ACSL6: variants seen among roughly 807,000 people sequenced by gnomAD.
The protein encoded by ACSL6 is long-chain-fatty-acid--CoA ligase 6.
Under a neutral mutation model 98.2 loss-of-function variants are expected in ACSL6, and 47 were observed. The ratio of observed to expected loss-of-function variants is 0.48; its 90% CI spans 0.38 to 0.61. The LOEUF is 0.61. Ranked by LOEUF, ACSL6 falls within the 20% of genes least tolerant of loss-of-function variation. The pLI is 0.00. For synonymous variants in ACSL6, 362 were observed against 336.9 expected (o/e 1.07, Z -0.82); for missense variants, 761 against 913.4 (o/e 0.83, Z 2.15).
At position 131,990,132 on chromosome 5, in the gene ACSL6, T is replaced by C. The variant is rs146852912; in HGVS notation, c.418A>G (p.Lys140Glu). The change falls in exon 4 of 21, where the codon AAG becomes GAG. Residue 140 changes from lysine (K) to glutamate (E), a missense_variant. By Grantham distance (56) the Lys-to-Glu change is moderately conservative. Coordinates refer to ENST00000651883, the MANE Select transcript of ACSL6 (RefSeq NM_001009185.3). ...TAGGACAGCCACTGGTAAGGCTGCT[T>C]AGGCTTCCTGAAACCAAGACAGGGC... ...NGPCLGFRKP[K>E]QPYQWLSYQE... is the part of the protein sequence containing the mutation. 2 of 1,613,910 alleles carry C rather than the reference T, an allele frequency of 1.2e-6. No homozygotes were observed. Among genetic ancestry groups the C allele is most frequent in the African/African-American group, 2.7e-5 (2 of 74,924 alleles).
intron 1 of ACSL6, among the ~76,000 whole-genome samples, chr5:132,003,267 C>A (rs760006374): frequency 3.9e-5 from 6 of 152,236 alleles, no homozygotes; most frequent in African/African-American, 9.6e-5. Context: ...GAATCTGCCA[C>A]CTCCTGAATC....
rs1002225852 is a variant in ACSL6 at position 131,975,818 on chromosome 5, GCAGAGGCCTTCA to G, written c.990+818_990+829del. ...GGACTTCCCTGCTCTCCACCCCTTTGCAGAGGCCTTCACTCTCCTGTGCTGGCTTTTGGGCCA... is the reference window on the plus strand; with the variant it reads ...GGACTTCCCTGCTCTCCACCCCTTTGCTCTCCTGTGCTGGCTTTTGGGCCA... On this transcript the variant is annotated intron_variant, in intron 10 of 20. Coordinates refer to ENST00000651883, the MANE Select transcript of ACSL6 (RefSeq NM_001009185.3). 5 of 985,336 alleles carry G rather than the reference GCAGAGGCCTTCA, an allele frequency of 5.1e-6. No homozygotes were observed. The African/African-American group carries it at 7.0e-5, about 14-fold the overall frequency. The allele number at this position is 985,336 out of a possible 1,614,324, so 61.0% of individuals were successfully genotyped here.
At chr5:132,000,421 G>A (rs1755024205) in intron 1 of ACSL6, among the ~76,000 whole-genome samples, 1 of 151,632 alleles carries the variant, frequency 6.6e-6, no homozygotes, top group Admixed American at 6.6e-5. Context: ...CCGAAGCTGA[G>A]CTCTGAAGTC....
At chr5:131,988,297 C>A (rs1029509907) in intron 6 of ACSL6, 71 bp from the exon 7 acceptor site, 2 of 1,540,204 alleles carry the variant, frequency 1.3e-6, no homozygotes, top group Non-Finnish European at 8.9e-7. Flanking sequence ...ATGTGCCAGG[C>A]AGCACATGCC....
At position 131,988,229 on chromosome 5, in the gene ACSL6, G is replaced by C; in HGVS notation, c.653-3C>G. The C allele has an allele frequency of 6.2e-7, 1 of 1,613,846 alleles. No homozygotes were observed. The highest frequency in any genetic ancestry group is 8.5e-7 in the Non-Finnish European group (1 of 1,179,808). On this transcript the variant is annotated splice_region_variant and splice_polypyrimidine_tract_variant and intron_variant, in intron 6 of 20. Transcript: ENST00000651883. ...CACAATCACGGTGCTGATGTCCGCTGCAGGGGGCCATCAAGGAGAGTCAGG... is the reference window on the plus strand; with the variant it reads ...CACAATCACGGTGCTGATGTCCGCTCCAGGGGGCCATCAAGGAGAGTCAGG...
intron 1 of ACSL6, among the ~76,000 whole-genome samples, chr5:131,995,069 G>T (rs1430327120): frequency 6.6e-6 from 1 of 152,162 alleles, no homozygotes; most frequent in South Asian, 2.1e-4. Flanking sequence ...CGCTCCCCGG[G>T]GGACCAACAT....
At chr5:131,988,618 G>A (rs781026549) in intron 6 of ACSL6, 187 bp downstream of exon 6, 209 of 1,612,922 alleles carry the variant, frequency 1.3e-4, no homozygotes, top group Non-Finnish European at 1.6e-4. Flanking sequence ...AGGAACCTTC[G>A]TGTGAAGTCT....
intron 8 of ACSL6, 135 bp from the exon 9 acceptor site, chr5:131,985,593 C>A: frequency 1.2e-6 from 1 of 866,390 alleles, no homozygotes; most frequent in Non-Finnish European, 1.9e-6. Context: ...GGCACGCCTG[C>A]ATGCTCCTGT....
At chr5:131,976,216 C>T (rs1033727316) in intron 10 of ACSL6, 20 of 985,190 alleles carry the variant, frequency 2.0e-5, no homozygotes, top group Admixed American at 6.2e-5. Flanking sequence ...TAGCAGTTGC[C>T]GTTGTTTCTC....
At chr5:131,996,985 G>A (rs972616383) in intron 1 of ACSL6, among the ~76,000 whole-genome samples, 1 of 150,856 alleles carries the variant, frequency 6.6e-6, no homozygotes, top group African/African-American at 2.5e-5. Flanking sequence ...AACATACAAA[G>A]GCTGGAGTTG....
chr5:131,963,076 G>A (rs1021535128), intron 17 of ACSL6, among the ~76,000 whole-genome samples: 6 of 152,050 alleles, frequency 3.9e-5, no homozygotes, highest in African/African-American at 1.2e-4. Flanking sequence ...CAGCATCTTT[G>A]GTTCACTCCC....
intron 16 of ACSL6, 111 bp from the exon 17 acceptor site, chr5:131,966,643 T>C (rs1010538581): frequency 3.3e-6 from 3 of 901,122 alleles, no homozygotes; most frequent in African/African-American, 1.6e-5. Context: ...GGAAAGCCAC[T>C]GTGGATATGG....
rs762401265 is a variant in ACSL6 at position 131,988,828 on chromosome 5, G to A, written c.629C>T (p.Ala210Val). 4 of 1,613,962 alleles carry A rather than the reference G, an allele frequency of 2.5e-6. No individual in the cohort carries two copies. In the South Asian group the frequency reaches 4.4e-5, roughly 18 times the overall value. The change falls in exon 6 of 21, where the codon GCT (alanine) becomes GTT (valine). Residue 210 changes from alanine (A) to valine (V), a missense_variant. Transcript: ENST00000651883. ...ACCTGTATTGATGATGTAGCGGATA[G>A]CCCCAGGGCCCAGGGTGTCATAGAG... ...VPLYDTLGPG[A>V]IRYIINTADI...
upstream of ACSL6, chr5:132,012,118 C>CTGT (rs1755768953): frequency 1.6e-5 from 10 of 622,028 alleles, no homozygotes; most frequent in East Asian, 3.4e-4. Flanking sequence ...CTCCTGTGGG[C>CTGT]TGTTGCCCGC....
intron 10 of ACSL6, chr5:131,975,353 G>C: frequency 1.0e-6 from 1 of 985,388 alleles, no homozygotes; most frequent in South Asian, 4.7e-5. Context: ...CAGTCAGTCG[G>C]CTCTAGCCCG....
At chr5:131,954,669 A>C (rs1752305533) in intron 20 of ACSL6, among the ~76,000 whole-genome samples, 1 of 152,300 alleles carries the variant, frequency 6.6e-6, no homozygotes, top group South Asian at 2.1e-4. Flanking sequence ...GCGCACATTC[A>C]CGTCCAGTAG....
chr5:131,964,233 A>C (rs1184793867), intron 17 of ACSL6, among the ~76,000 whole-genome samples: 1 of 152,220 alleles, frequency 6.6e-6, no homozygotes, highest in Non-Finnish European at 1.5e-5. Flanking sequence ...GATCAATCTC[A>C]TTTGTGAATA....
intron 20 of ACSL6, among the ~76,000 whole-genome samples, chr5:131,955,805 A>G (rs1175523050): frequency 2.0e-5 from 3 of 152,258 alleles, no homozygotes; most frequent in African/African-American, 7.2e-5. Context: ...AATCAAAATA[A>G]AATTTAACCT....
rs1260256818 is a variant in ACSL6, at chr5:131,951,172, T to A, written c.*3062A>T. ...AATAACAGATAAAAAGGCCAAACAT[T>A]TAAGAACATATTTACACTTAAGGAA... On this transcript the variant is annotated 3_prime_UTR_variant, in exon 21 of 21. Coordinates refer to ENST00000651883, the MANE Select transcript of ACSL6 (RefSeq NM_001009185.3). 9.5e-6 allele frequency: 2 copies of A among 209,670 alleles called. No individual in the cohort carries two copies. Among genetic ancestry groups the A allele is most frequent in the Non-Finnish European group, 1.9e-5 (2 of 103,274 alleles). The allele number at this position is 209,670 out of a possible 1,614,324, so 13.0% of individuals were successfully genotyped here.
Sources: allele counts gnomAD v4.1 joint callset (sites outside exome capture counted in the v4.1 genomes callset), GRCh38; gene constraint gnomAD v4.1.1; transcripts MANE v1.5; gene names NCBI Gene and HGNC (gene_info 2026-07-23, HGNC 2026-07-21).